The following FAM210A variants were observed in gnomAD, a reference collection of about 807,000 sequenced individuals.
The protein encoded by FAM210A is mitochondrial inner membrane scaffold 1.
FAM210A carries 13 observed loss-of-function variants against 25.3 expected under a neutral mutation model. The observed-to-expected ratio is 0.51, with a 90% CI of 0.33 to 0.82. The LOEUF (loss-of-function observed/expected upper bound fraction) is 0.82, where lower values mean the gene tolerates loss of function less well. Among genes scored for constraint, FAM210A ranks in the 40% least tolerant of loss-of-function variants. The pLI, the probability that FAM210A is intolerant of heterozygous loss-of-function variation, is 0.02. For synonymous variants in FAM210A, 125 were observed against 118.7 expected, an observed-to-expected ratio of 1.05 and a Z score of -0.35; for missense variants, 319 against 323.2, an observed-to-expected ratio of 0.99 and a Z score of 0.10.
In FAM210A at chr18:13,719,703, C is replaced by A. The variant is rs2043884685; in HGVS notation, c.-29+6626G>T. Among the ~76,000 whole-genome samples, 4 of 145,824 alleles carry A rather than the reference C, an allele frequency of 2.7e-5. No homozygotes were observed. In the Admixed American group the frequency reaches 2.9e-4, roughly 10 times the overall value. ...CTACAAGACTGTTCACTATTTCAAACTTCTGCTCTGGTTTACATGAATTAA... is the reference window on the plus strand; with the variant it reads ...CTACAAGACTGTTCACTATTTCAAAATTCTGCTCTGGTTTACATGAATTAA... On this transcript the variant is annotated intron_variant, in intron 1 of 3. Coordinates refer to ENST00000651643, the MANE Select transcript of FAM210A (RefSeq NM_152352.4).
intron 1 of FAM210A, among the ~76,000 whole-genome samples, chr18:13,686,661 C>A (rs889466390): frequency 1.3e-5 from 2 of 152,140 alleles, no homozygotes; most frequent in African/African-American, 2.4e-5. Context: ...AATTATCAAA[C>A]TTAGATGAAA....
chr18:13,687,499 C>T (rs1477545118), intron 1 of FAM210A, among the ~76,000 whole-genome samples: 1 of 152,120 alleles, frequency 6.6e-6, no homozygotes, highest in African/African-American at 2.4e-5. Context: ...CGGGCACATG[C>T]ATTAAGAGAC....
chr18:13,713,011 C>T (rs1449909291), intron 1 of FAM210A, among the ~76,000 whole-genome samples: 4 of 152,172 alleles, frequency 2.6e-5, no homozygotes, highest in Admixed American at 6.5e-5. Context: ...CTCTATCTTT[C>T]GTTGTTACAA....
intron 1 of FAM210A, among the ~76,000 whole-genome samples, chr18:13,699,460 C>CA (rs1446030963): frequency 1.4e-4 from 21 of 151,996 alleles, no homozygotes; most frequent in African/African-American, 5.1e-4. Flanking sequence ...TCTTAAATGT[C>CA]AAGTGTACCA....
chr18:13,700,151 C>G (rs1226481148), intron 1 of FAM210A, among the ~76,000 whole-genome samples: 1 of 152,246 alleles, frequency 6.6e-6, no homozygotes, highest in Non-Finnish European at 1.5e-5. Context: ...CTACTCCCCA[C>G]TTCAGATGCA....
intron 1 of FAM210A, among the ~76,000 whole-genome samples, chr18:13,684,683 T>A (rs988036241): frequency 6.6e-6 from 1 of 152,180 alleles, no homozygotes; most frequent in Admixed American, 6.5e-5. Flanking sequence ...AGAGTTAAAC[T>A]AAACAACAAT....
intron 1 of FAM210A, among the ~76,000 whole-genome samples, chr18:13,713,347 A>T (rs1015983031): frequency 2.0e-5 from 3 of 152,140 alleles, no homozygotes; most frequent in Non-Finnish European, 4.4e-5. Context: ...CTCATCCTTT[A>T]TGGCCTTTTG....
chr18:13,710,020 G>A (rs1242950329), intron 1 of FAM210A, among the ~76,000 whole-genome samples: 1 of 151,946 alleles, frequency 6.6e-6, no homozygotes, highest in Non-Finnish European at 1.5e-5. Context: ...AACCAGGGGA[G>A]GAATTTAGTT....
intron 1 of FAM210A, among the ~76,000 whole-genome samples, chr18:13,703,783 A>T (rs529518514): frequency 1.3e-5 from 2 of 152,366 alleles, no homozygotes; most frequent in Admixed American, 6.5e-5. Context: ...AAAGAAAAAT[A>T]AAAACTGTAG....
rs1002936232 is a variant in FAM210A at position 13,666,310 on chromosome 18, T to A, written c.*170A>T. 3.3e-6 allele frequency: 2 copies of A among 608,896 alleles called. No individual in the cohort carries two copies. Among genetic ancestry groups the A allele is most frequent in the Non-Finnish European group, 5.8e-6 (2 of 347,726 alleles). 37.7% of individuals were successfully genotyped at this position (608,896 alleles called of 1,614,324 possible). ...TTCATTTCTTCCCTTGTAATAACAC[T>A]GATTTTTCTAGTGATATTTAACTTT... On this transcript the variant is annotated 3_prime_UTR_variant, in exon 4 of 4. Coordinates refer to ENST00000651643, the MANE Select transcript of FAM210A (RefSeq NM_152352.4).
intron 2 of FAM210A, among the ~76,000 whole-genome samples, chr18:13,676,863 G>A (rs1601944236): frequency 6.6e-6 from 1 of 152,214 alleles, no homozygotes; most frequent in Non-Finnish European, 1.5e-5. Context: ...ACAGGAAAAC[G>A]ACAGAATGGA....
intron 1 of FAM210A, among the ~76,000 whole-genome samples, chr18:13,713,753 C>CACACACACACACACACACACACACAT (rs1555791553): frequency 6.6e-6 from 1 of 151,734 alleles, no homozygotes; most frequent in Admixed American, 6.6e-5. Context: ...CACACACACA[C>CACACACACACACACACACACACACAT]GTTTAGAGAC....
intron 1 of FAM210A, among the ~76,000 whole-genome samples, chr18:13,692,716 C>G (rs1288291982): frequency 6.6e-6 from 1 of 152,176 alleles, no homozygotes; most frequent in Admixed American, 6.5e-5. Flanking sequence ...AAAGACACAA[C>G]ATACCAGAAT....
chr18:13,726,446 G>T lies in FAM210A; in HGVS notation c.-146C>A, dbSNP rs542413368. On this transcript the variant is annotated 5_prime_UTR_variant, in exon 1 of 4. Transcript: ENST00000651643. ...AGCCCGACAAAGCGTGGGTCCGCGT[G>T]CAGGAACCCGCCGGGCTCAGCCGGA... The T allele has an allele frequency of 5.2e-5, 8 of 152,590 alleles. No individual in the cohort carries two copies. In the East Asian group the frequency reaches 1.4e-3, roughly 26 times the overall value. The allele number at this position is 152,590 out of a possible 1,614,324, so 9.5% of individuals were successfully genotyped here. A position where few individuals can be genotyped will look rare whatever the true frequency, so the allele number is the denominator to read the frequency against.
chr18:13,709,682 T>C (rs76853872), intron 1 of FAM210A, among the ~76,000 whole-genome samples: 2,164 of 152,338 alleles, frequency 0.014, 49 homozygotes, highest in African/African-American at 0.05. Context: ...AGAGTAGAGC[T>C]TTTTCACTGT....
chr18:13,695,188 G>A (rs939603112), intron 1 of FAM210A, among the ~76,000 whole-genome samples: 1 of 152,186 alleles, frequency 6.6e-6, no homozygotes, highest in African/African-American at 2.4e-5. Context: ...CAGTTAGAAT[G>A]GCGATCATTA....
intron 1 of FAM210A, among the ~76,000 whole-genome samples, chr18:13,710,780 T>C (rs563046027): frequency 5.9e-5 from 9 of 152,112 alleles, no homozygotes; most frequent in Admixed American, 4.6e-4. Context: ...CATCCCCTAG[T>C]CTTCTGCCCA....
intron 1 of FAM210A, among the ~76,000 whole-genome samples, chr18:13,721,033 T>C (rs998323174): frequency 1.3e-5 from 2 of 152,184 alleles, no homozygotes; most frequent in African/African-American, 4.8e-5. Context: ...CCTCATCTTA[T>C]CTAATTACAT....
chr18:13,700,170 G>C (rs984387670), intron 1 of FAM210A, among the ~76,000 whole-genome samples: 20 of 152,198 alleles, frequency 1.3e-4, no homozygotes, highest in African/African-American at 4.8e-4. Flanking sequence ...CAAATCACAA[G>C]TAGTAAGTTG....
Sources: allele counts gnomAD v4.1 joint callset (sites outside exome capture counted in the v4.1 genomes callset), GRCh38; gene constraint gnomAD v4.1.1; transcripts MANE v1.5; gene names NCBI Gene and HGNC (gene_info 2026-07-23, HGNC 2026-07-21).